The following RUNX3 variants were observed in gnomAD, a reference collection of about 807,000 sequenced individuals.
The protein encoded by RUNX3 is RUNX family transcription factor 3, also known as runt-related transcription factor 3.
RUNX3 carries 10 observed loss-of-function variants against 27.7 expected under a neutral mutation model. The observed-to-expected ratio is 0.36, with a 90% CI of 0.22 to 0.61. RUNX3 has a LOEUF of 0.61. Among genes scored for constraint, RUNX3 ranks in the 20% least tolerant of loss-of-function variants. RUNX3 has a pLI of 0.72. For missense variants in RUNX3, 469 were observed against 629.5 expected (o/e 0.75, Z 2.73); for synonymous variants, 270 against 269.2 (o/e 1.00, Z -0.03).
chr1:24,915,561 G>A (rs1419219850), intron 3 of RUNX3, among the ~76,000 whole-genome samples: 1 of 152,228 alleles, frequency 6.6e-6, no homozygotes, highest in Admixed American at 6.5e-5. Context: ...GGAGAGGTGA[G>A]GAAGGCTGTG....
chr1:24,902,120 G>C lies in RUNX3; in HGVS notation c.*2C>G, dbSNP rs964817471. The C allele has an allele frequency of 7.2e-6, 11 of 1,535,672 alleles. No individual in the cohort carries two copies. Among genetic ancestry groups the C allele is most frequent in the Non-Finnish European group, 8.8e-6 (10 of 1,139,096 alleles). On this transcript the variant is annotated 3_prime_UTR_variant, in exon 5 of 5. Coordinates refer to ENST00000308873, the MANE Select transcript of RUNX3 (RefSeq NM_004350.3). This position sits in a 1 kb window ranked among gnomAD's most constrained non-coding sequence, Gnocchi z 9.2. ...TCCAGCGGGAGGAGTCCACCAGGGC[G>C]GTCAGTAGGGCCGCCACACGGCCTC... is the stretch of plus-strand genomic sequence containing the variant.
At chr1:24,947,412 T>G (rs1395253559) in intron 2 of RUNX3, among the ~76,000 whole-genome samples, 1 of 152,148 alleles carries the variant, frequency 6.6e-6, no homozygotes, top group Non-Finnish European at 1.5e-5. Context: ...AGAGACAGCC[T>G]CCTAGGCCTG....
At chr1:24,941,524 G>A (rs758688984) in intron 2 of RUNX3, among the ~76,000 whole-genome samples, 3 of 152,226 alleles carry the variant, frequency 2.0e-5, no homozygotes, top group African/African-American at 4.8e-5. Flanking sequence ...GGTCAGGAAC[G>A]TGTTCAAGTT....
chr1:24,912,126 C>T (rs908978223), intron 3 of RUNX3, among the ~76,000 whole-genome samples: 9 of 152,314 alleles, frequency 5.9e-5, no homozygotes, highest in African/African-American at 7.2e-5. Context: ...CTCTTTCATT[C>T]GGTTACCCAG....
In RUNX3 at chr1:24,901,012, G is replaced by GTTTTTTTTTTTTTTTTTTTTTT. The variant is rs1640530561; in HGVS notation, c.*1109_*1110insAAAAAAAAAAAAAAAAAAAAAA. The GTTTTTTTTTTTTTTTTTTTTTT allele has an allele frequency of 7.2e-6, 1 of 137,968 alleles. No homozygotes were observed. The highest frequency in any genetic ancestry group is 1.6e-5 in the Non-Finnish European group (1 of 63,112). 8.5% of individuals were successfully genotyped at this position (137,968 alleles called of 1,614,324 possible). ...TTTTCTAAAATCAGTTTTAAAAACT[G>GTTTTTTTTTTTTTTTTTTTTTT]TTTTGTTTTTTTTTTGTTTTTTTGT... On this transcript the variant is annotated 3_prime_UTR_variant, in exon 5 of 5. Transcript: ENST00000308873.
intron 4 of RUNX3, among the ~76,000 whole-genome samples, chr1:24,905,101 T>C (rs989108098): frequency 2.0e-5 from 3 of 151,780 alleles, no homozygotes; most frequent in Non-Finnish European, 4.4e-5. Flanking sequence ...GTGACCAATA[T>C]TGGAGGGTCA....
intron 2 of RUNX3, among the ~76,000 whole-genome samples, chr1:24,954,675 C>T (rs980055183): frequency 6.6e-6 from 1 of 152,264 alleles, no homozygotes; most frequent in Non-Finnish European, 1.5e-5. Context: ...TCTAAGCCTT[C>T]GCCCTTGTCC....
rs761643520 is a variant in RUNX3, at chr1:24,923,519, G to C, written c.439+4055C>G. On this transcript the variant is annotated intron_variant, in intron 2 of 4. Transcript: ENST00000308873. This position sits in a 1 kb window ranked among gnomAD's most constrained non-coding sequence, Gnocchi z 5.9. ...CTGAGGGCTGGCCCTGGTTGCAGGGGAGAAGTCTTGGTCTGGGAAATGGGT... is the reference window on the plus strand; with the variant it reads ...CTGAGGGCTGGCCCTGGTTGCAGGGCAGAAGTCTTGGTCTGGGAAATGGGT... 2.0e-5 allele frequency among the ~76,000 whole-genome samples: 3 copies of C among 152,192 alleles called. No individual in the cohort carries two copies. Among genetic ancestry groups the C allele is most frequent in the Non-Finnish European group, 4.4e-5 (3 of 68,034 alleles).
chr1:24,918,578 TTCATTCATTCAG>T (rs1025066115), intron 3 of RUNX3, among the ~76,000 whole-genome samples: 3 of 151,618 alleles, frequency 2.0e-5, no homozygotes, highest in Admixed American at 6.6e-5. Flanking sequence ...CATTCATTCA[TTCATTCATTCAG>T]TCAGTCAGTC....
chr1:24,944,973 C>T (rs536316695), intron 2 of RUNX3, among the ~76,000 whole-genome samples: 1 of 152,276 alleles, frequency 6.6e-6, no homozygotes, highest in East Asian at 1.9e-4. Context: ...ACGAATATGT[C>T]TCCCTTCCTT....
chr1:24,925,406 T>C (rs1641079545), intron 2 of RUNX3, among the ~76,000 whole-genome samples: 1 of 151,726 alleles, frequency 6.6e-6, no homozygotes, highest in Non-Finnish European at 1.5e-5. Flanking sequence ...TCCCAGGCAT[T>C]TGAAGTAACA....
chr1:24,943,133 A>G lies in RUNX3; in HGVS notation c.59-13281T>C, dbSNP rs548821201. Among the ~76,000 whole-genome samples the G allele has an allele frequency of 3.9e-5, 6 of 152,380 alleles. No individual in the cohort carries two copies. The highest frequency in any genetic ancestry group is 1.4e-4 in the African/African-American group (6 of 41,596). On this transcript the variant is annotated intron_variant, in intron 2 of 6. Transcript: ENST00000338888. This position sits in a 1 kb window ranked among gnomAD's most constrained non-coding sequence, Gnocchi z 4.6. ...GGTGTTCCAGCCACCAGGCGGGACC[A>G]GCGCCGGGCAGACTGCCGGTTTTCC...
At chr1:24,942,303 C>T (rs1340587931) in intron 2 of RUNX3, among the ~76,000 whole-genome samples, 2 of 152,164 alleles carry the variant, frequency 1.3e-5, no homozygotes, top group Admixed American at 6.6e-5. Flanking sequence ...GCTGGGGATA[C>T]AAGCAATGGA....
At chr1:24,929,414 G>C (rs1641167149) in intron 1 of RUNX3, 173 bp downstream of exon 1, 3 of 734,848 alleles carry the variant, frequency 4.1e-6, no homozygotes, top group Admixed American at 4.0e-5. Flanking sequence ...CATCCAAAAC[G>C]GAACGCCGAG....
chr1:24,948,934 C>T (rs1280292887), intron 2 of RUNX3, among the ~76,000 whole-genome samples: 4 of 151,962 alleles, frequency 2.6e-5, no homozygotes, highest in Non-Finnish European at 5.9e-5. Context: ...ATTAATCGAA[C>T]CCACCTCCCT....
rs374660396 is a variant in RUNX3, at chr1:24,907,228, C to T, written c.703+31G>A. The T allele has an allele frequency of 1.1e-5, 18 of 1,597,604 alleles. No homozygotes were observed. In the African/African-American group the frequency reaches 2.1e-4, roughly 19 times the overall value. On this transcript the variant is annotated intron_variant, in intron 4 of 4. Coordinates refer to ENST00000308873, the MANE Select transcript of RUNX3 (RefSeq NM_004350.3). Reference sequence around the variant, plus strand: ...ATCGAGGCCCTCCACCCCCACCTCACCCCGCTGCAGCCCCTCCCTCCGTGC... The same window carrying T: ...ATCGAGGCCCTCCACCCCCACCTCATCCCGCTGCAGCCCCTCCCTCCGTGC...
upstream of RUNX3, among the ~76,000 whole-genome samples, chr1:24,930,620 T>A (rs1012931012): frequency 3.3e-5 from 5 of 151,744 alleles, no homozygotes; most frequent in Non-Finnish European, 7.4e-5. The surrounding 1 kb of genome is among the most constrained non-coding windows in gnomAD (Gnocchi z 4.1). Context: ...CCTTCGCTCC[T>A]CCTCCCCGCT....
intron 3 of RUNX3, among the ~76,000 whole-genome samples, chr1:24,911,171 G>C (rs1640789508): frequency 6.6e-6 from 1 of 152,236 alleles, no homozygotes; most frequent in Non-Finnish European, 1.5e-5. Context: ...AAGCCTGCCG[G>C]GTGGACGTGG....
chr1:24,902,401 G>A lies in RUNX3; in HGVS notation c.969C>T (p.Phe323=), dbSNP rs760735120. ...GGTGGTAGGGGGACGGGTTGGCCTG[G>A]AAGGGCCCGCTCTGGTTCTGCGGGG... ...PGAPQNQSGP[F]QANPSPYHLY... is the part of the protein sequence containing the mutation. Residue 323 remains phenylalanine (F), a synonymous_variant, in exon 5 of 5, where the codon TTC becomes TTT. Transcript: ENST00000308873. The surrounding 1 kb of genome is among the most constrained non-coding windows in gnomAD (Gnocchi z 9.2). 6.2e-7 allele frequency: 1 copy of A among 1,612,886 alleles called. No individual in the cohort carries two copies. The highest frequency in any genetic ancestry group is 8.5e-7 in the Non-Finnish European group (1 of 1,179,874).
Sources: allele counts gnomAD v4.1 joint callset (sites outside exome capture counted in the v4.1 genomes callset), GRCh38; gene constraint gnomAD v4.1.1; non-coding constraint Gnocchi (gnomAD v3.1); transcripts MANE v1.5; gene names NCBI Gene and HGNC (gene_info 2026-07-23, HGNC 2026-07-21).